The following PLCG2 variants were observed in gnomAD, a reference collection of about 807,000 sequenced individuals.
PLCG2 encodes the protein 1-phosphatidylinositol 4,5-bisphosphate phosphodiesterase gamma-2.
A neutral mutation model predicts 175.6 loss-of-function variants in PLCG2; 69 were observed. The ratio of observed to expected loss-of-function variants is 0.39; its 90% CI spans 0.32 to 0.48. The LOEUF (loss-of-function observed/expected upper bound fraction) is 0.48, where lower values mean the gene tolerates loss of function less well. Ranked by LOEUF, PLCG2 falls within the 20% of genes least tolerant of loss-of-function variation. The probability of loss-of-function intolerance (pLI) is 0.91; values close to 1 mark genes in which losing one functional copy is unlikely to be tolerated. For missense variants in PLCG2, 1,798 were observed against 1,650.9 expected (o/e 1.09, Z -1.54); for synonymous variants, 827 against 624.0 (o/e 1.33, Z -4.85).
intron 25 of PLCG2, among the ~76,000 whole-genome samples, chr16:81,934,154 C>T (rs189166967): frequency 1.3e-4 from 20 of 152,142 alleles, no homozygotes; most frequent in African/African-American, 4.6e-4. Flanking sequence ...CAGAGAAGAG[C>T]CCCCTTCCAT....
intron 10 of PLCG2, among the ~76,000 whole-genome samples, chr16:81,890,058 G>T (rs1286088968): frequency 6.6e-6 from 1 of 152,134 alleles, no homozygotes; most frequent in South Asian, 2.1e-4. Flanking sequence ...GTGTGCTTCT[G>T]GGTGGGGCCA....
intron 2 of PLCG2, among the ~76,000 whole-genome samples, chr16:81,761,862 T>C (rs973240828): frequency 3.4e-4 from 52 of 151,092 alleles, no homozygotes; most frequent in African/African-American, 1.2e-3. Flanking sequence ...CATGGAGTCT[T>C]GTTCTGTCAC....
intron 1 of PLCG2, among the ~76,000 whole-genome samples, chr16:81,752,244 T>C (rs1053974631): frequency 1.3e-5 from 2 of 151,832 alleles, no homozygotes; most frequent in African/African-American, 4.8e-5. Flanking sequence ...AATTCTAGGG[T>C]GTTTTTAGAA....
intron 19 of PLCG2, among the ~76,000 whole-genome samples, chr16:81,913,896 G>A (rs957713846): frequency 1.1e-4 from 16 of 152,124 alleles, no homozygotes; most frequent in Non-Finnish European, 2.1e-4. Flanking sequence ...CGTGGTGACG[G>A]TCATTATCAC....
chr16:81,862,260 G>C (rs1304947709), intron 5 of PLCG2, among the ~76,000 whole-genome samples: 1 of 152,268 alleles, frequency 6.6e-6, no homozygotes, highest in East Asian at 1.9e-4. Flanking sequence ...CAATGGACAA[G>C]TCTTAGGTGT....
rs1910875135 is a variant in PLCG2 at position 81,940,048 on chromosome 16, C to T, written c.3470C>T (p.Ala1157Val). 6.2e-7 allele frequency: 1 copy of T among 1,609,798 alleles called. No individual in the cohort carries two copies. The highest frequency in any genetic ancestry group is 8.5e-7 in the Non-Finnish European group (1 of 1,176,254). Residue 1157 changes from alanine (A) to valine (V), a missense_variant, in exon 30 of 33, where the codon GCA becomes GTA. Coordinates refer to ENST00000564138, the MANE Select transcript of PLCG2 (RefSeq NM_002661.5). ...FLAHATYPIK[A>V]VKSGFRSVPL... ...GCTCATGCCACTTACCCCATTAAAGCAGTCAAATCAGGTAAGAGGCATTTT... is the reference window on the plus strand; with the variant it reads ...GCTCATGCCACTTACCCCATTAAAGTAGTCAAATCAGGTAAGAGGCATTTT...
intron 2 of PLCG2, chr16:81,851,993 C>G (rs983069932): frequency 8.0e-6 from 1 of 125,188 alleles, no homozygotes; most frequent in African/African-American, 2.8e-5. Context: ...TTCACTATGA[C>G]TCTAAGATGC....
At chr16:81,925,240 T>C (rs11648625) in intron 22 of PLCG2, among the ~76,000 whole-genome samples, 1,911 of 152,290 alleles carry the variant, frequency 0.013, 21 homozygotes, top group Non-Finnish European at 0.021. Flanking sequence ...CTGATGGCAG[T>C]AGTGCTACCT....
intron 1 of PLCG2, among the ~76,000 whole-genome samples, chr16:81,748,298 G>A (rs891523650): frequency 6.6e-6 from 1 of 152,154 alleles, no homozygotes; most frequent in Non-Finnish European, 1.5e-5. Flanking sequence ...GCTGAGGCAT[G>A]AGAATTGCTT....
chr16:81,934,279 G>GT lies in PLCG2; in HGVS notation c.2740-150_2740-149insT, dbSNP rs554112632. 488 of 620,616 alleles carry GT rather than the reference G, an allele frequency of 7.9e-4. 5 individuals carry two copies. In the Middle Eastern group the frequency reaches 0.011, roughly 14 times the overall value. 38.4% of individuals were successfully genotyped at this position (620,616 alleles called of 1,614,324 possible). A position where few individuals can be genotyped will look rare whatever the true frequency, so the allele number is the denominator to read the frequency against. ...TGAGAGGAAGAAACGAGAGGGGCAGGGTTGTCTTCAGGAAAGGAAAACATT... is the reference window on the plus strand; with the variant it reads ...TGAGAGGAAGAAACGAGAGGGGCAGGTGTTGTCTTCAGGAAAGGAAAACATT... On this transcript the variant is annotated intron_variant, in intron 25 of 32. Transcript: ENST00000564138.
intron 2 of PLCG2, among the ~76,000 whole-genome samples, chr16:81,795,710 T>C (rs192635231): frequency 6.6e-6 from 1 of 152,016 alleles, no homozygotes; most frequent in East Asian, 1.9e-4. Flanking sequence ...TTTTTTTTTT[T>C]CTCCCCAAGA....
chr16:81,806,840 G>T (rs1391965442), intron 2 of PLCG2, among the ~76,000 whole-genome samples: 1 of 151,886 alleles, frequency 6.6e-6, no homozygotes, highest in Non-Finnish European at 1.5e-5. Context: ...CCTTCGAGGT[G>T]GGGCATGTTC....
At chr16:81,782,583 C>G (rs180914542) in intron 1 of PLCG2, among the ~76,000 whole-genome samples, 77 of 152,302 alleles carry the variant, frequency 5.1e-4, no homozygotes, top group Non-Finnish European at 4.4e-4. Flanking sequence ...CCGTGAAGAT[C>G]TGTTTCCAAT....
intron 2 of PLCG2, chr16:81,852,251 A>T (rs1344700080): frequency 6.6e-6 from 1 of 152,226 alleles, no homozygotes; most frequent in Non-Finnish European, 1.5e-5. Flanking sequence ...GTCCTGGCCA[A>T]ATAAGTCCCA....
At chr16:81,796,529 T>A (rs1911476317) in intron 2 of PLCG2, among the ~76,000 whole-genome samples, 1 of 152,212 alleles carries the variant, frequency 6.6e-6, no homozygotes, top group South Asian at 2.1e-4. Context: ...CTGTTACGGA[T>A]TGAATTGTCC....
At chr16:81,858,171 C>G (rs1906779286) in intron 3 of PLCG2, 92 bp from the exon 4 acceptor site, 1 of 882,110 alleles carries the variant, frequency 1.1e-6, no homozygotes, top group African/African-American at 1.6e-5. Flanking sequence ...ATAGGCTTCT[C>G]CCATCTTCGT....
intron 16 of PLCG2, 115 bp from the exon 17 acceptor site, chr16:81,908,301 C>T: frequency 1.1e-6 from 1 of 927,290 alleles, no homozygotes. Flanking sequence ...CCAGCTGAGG[C>T]TGGCCTCTCT....
At chr16:81,883,463 CCTGGCCACCTGTCTTCAT>C in intron 9 of PLCG2, 122 bp downstream of exon 9, 2 of 703,382 alleles carry the variant, frequency 2.8e-6, no homozygotes, top group Middle Eastern at 3.3e-4. Context: ...CCTGTGCTCA[CCTGGCCACCTGTCTTCAT>C]GGAACGATTG....
intron 2 of PLCG2, among the ~76,000 whole-genome samples, chr16:81,823,684 C>G (rs1904907187): frequency 7.4e-6 from 1 of 135,040 alleles, no homozygotes; most frequent in Non-Finnish European, 1.5e-5. Flanking sequence ...CACCACCATG[C>G]CCAGCTAATT....
Sources: allele counts gnomAD v4.1 joint callset (sites outside exome capture counted in the v4.1 genomes callset), GRCh38; gene constraint gnomAD v4.1.1; transcripts MANE v1.5; gene names NCBI Gene and HGNC (gene_info 2026-07-23, HGNC 2026-07-21).